The following DIS3L variants were observed in gnomAD, a reference collection of about 807,000 sequenced individuals.
DIS3L encodes DIS3 like exosome 3'-5' exoribonuclease, also known as DIS3-like exonuclease 1.
A neutral mutation model predicts 120.3 loss-of-function variants in DIS3L; 100 were observed. The observed-to-expected ratio is 0.83, with a 90% CI of 0.71 to 0.98. The LOEUF is 0.98. DIS3L is among the 50% of genes least tolerant of loss of function. DIS3L has a pLI of 0.00. For synonymous variants in DIS3L, 426 were observed against 470.6 expected (o/e 0.91, Z 1.23); for missense variants, 1,196 against 1,314.2 (o/e 0.91, Z 1.39).
At chr15:66,310,605 G>A (rs1482185372) in intron 4 of DIS3L, among the ~76,000 whole-genome samples, 6 of 152,184 alleles carry the variant, frequency 3.9e-5, no homozygotes, top group Non-Finnish European at 5.9e-5. Flanking sequence ...TAATGACAAA[G>A]TGTAGTGTTG....
chr15:66,315,190 G>A lies in DIS3L; in HGVS notation c.969G>A (p.Glu323=). 1 of 1,613,254 alleles carries A rather than the reference G, an allele frequency of 6.2e-7. No homozygotes were observed. The highest frequency in any genetic ancestry group is 8.5e-7 in the Non-Finnish European group (1 of 1,179,470). Residue 323 remains glutamate, a synonymous_variant, in exon 7 of 17, where the codon GAG becomes GAA. Transcript: ENST00000319212. ...ACTGTGACGACAAGGCTTCGGGCGA[G>A]TCCCCAAGTGAGCCCATGCCTACAG... is the stretch of plus-strand genomic sequence containing the variant. ...ENDCDDKASG[E]SPSEPMPTGR... is the part of the protein sequence containing the mutation.
intron 2 of DIS3L, among the ~76,000 whole-genome samples, chr15:66,304,089 C>CA (rs34711611): frequency 1.7e-3 from 124 of 72,612 alleles, no homozygotes; most frequent in South Asian, 3.7e-3. Flanking sequence ...GACTCTGTTT[C>CA]AAAAAAAAAA....
intron 5 of DIS3L, 152 bp from the exon 6 acceptor site, chr15:66,313,887 G>T (rs112178554): frequency 2.3e-6 from 1 of 429,334 alleles, no homozygotes; most frequent in Non-Finnish European, 4.2e-6. Flanking sequence ...ATATGTGTGT[G>T]TATATATATA....
At position 66,293,846 on chromosome 15, in the gene DIS3L, G is replaced by A. The variant is rs1342439861; in HGVS notation, c.139+111G>A. ...CCAGCGGCGGGGACACGGAGGCGTA[G>A]GCCCCGCGGCCTGCGCCCGCTCGCC... On this transcript the variant is annotated intron_variant, in intron 1 of 16. Transcript: ENST00000319212. 6 of 1,008,308 alleles carry A rather than the reference G, an allele frequency of 6.0e-6. No individual in the cohort carries two copies. In the South Asian group the frequency reaches 1.9e-4, roughly 31 times the overall value. The allele number at this position is 1,008,308 out of a possible 1,614,324, so 62.5% of individuals were successfully genotyped here.
rs576086602 is a variant in DIS3L at position 66,329,225 on chromosome 15, T to G, written c.2361T>G (p.Leu787=). The change falls in exon 14 of 17, where the codon CTT becomes CTG. Residue 787 remains leucine (L), a synonymous_variant. Coordinates refer to ENST00000319212, the MANE Select transcript of DIS3L (RefSeq NM_001143688.3). ...CAEEEFHHYG[L]ALDKYTHFTS... The stretch of plus-strand genomic sequence containing the variant: ...TCTTTTGCTTTCTTTTTGAAGGTCT[T>G]GCATTAGATAAATATACCCACTTTA... 1.9e-6 allele frequency: 3 copies of G among 1,598,316 alleles called. No individual in the cohort carries two copies. Among genetic ancestry groups the G allele is most frequent in the Admixed American group, 1.8e-5 (1 of 56,594 alleles).
intron 5 of DIS3L, 99 bp from the exon 6 acceptor site, chr15:66,313,940 T>G: frequency 1.2e-6 from 1 of 856,074 alleles, no homozygotes; most frequent in Admixed American, 3.0e-5. Context: ...AAGAATATTA[T>G]GGGGATGTTT....
Position 66,311,744 on chromosome 15 carries a change from G to A in DIS3L, c.579G>A (p.Trp193Ter). ...ITFKNYLDNF[W>*]PDLKAAHELC... Reference sequence around the variant, plus strand: ...TACAGAATTACCTGGACAATTTCTGGCCTGATTTAAAAGCTGCCCACGAGC... The same window carrying A: ...TACAGAATTACCTGGACAATTTCTGACCTGATTTAAAAGCTGCCCACGAGC... Residue 193 changes from tryptophan (W) to a stop codon, truncating the protein, a stop_gained, in exon 5 of 17, where the codon TGG becomes TGA. Transcript: ENST00000319212. LOFTEE classifies it high-confidence loss of function. 1 of 1,614,026 alleles carries A rather than the reference G, an allele frequency of 6.2e-7. No homozygotes were observed. Among genetic ancestry groups the A allele is most frequent in the Non-Finnish European group, 8.5e-7 (1 of 1,179,988 alleles).
chr15:66,313,415 T>C (rs1312112884), intron 5 of DIS3L, among the ~76,000 whole-genome samples: 1 of 152,142 alleles, frequency 6.6e-6, no homozygotes, highest in African/African-American at 2.4e-5. Context: ...GGTATTTTTC[T>C]CCAAAGAAAA....
chr15:66,328,135 A>T (rs1445220274), intron 12 of DIS3L, among the ~76,000 whole-genome samples: 2 of 152,170 alleles, frequency 1.3e-5, no homozygotes, highest in Admixed American at 6.6e-5. Flanking sequence ...CATCATTCAT[A>T]TTTACAGATA....
In DIS3L at chr15:66,328,959, T is replaced by C. The variant is rs1422779201; in HGVS notation, c.2202-11T>C. The C allele has an allele frequency of 6.2e-7, 1 of 1,608,930 alleles. No homozygotes were observed. The highest frequency in any genetic ancestry group is 8.5e-7 in the Non-Finnish European group (1 of 1,178,604). On this transcript the variant is annotated splice_polypyrimidine_tract_variant and intron_variant, in intron 12 of 16. Coordinates refer to ENST00000319212, the MANE Select transcript of DIS3L (RefSeq NM_001143688.3). ...CTGGGACTAGCTAACGGTTTTTCTG[T>C]TCTTTGTCAGGTCCAATAAAACACT... is the stretch of plus-strand genomic sequence containing the variant.
intron 9 of DIS3L, among the ~76,000 whole-genome samples, chr15:66,321,835 TC>T (rs1278152930): frequency 6.6e-6 from 1 of 152,112 alleles, no homozygotes; most frequent in Admixed American, 6.6e-5. Flanking sequence ...TTGATCATTC[TC>T]TTGGAATGTA....
intron 8 of DIS3L, among the ~76,000 whole-genome samples, chr15:66,319,840 C>T (rs538351510): frequency 4.3e-4 from 65 of 151,770 alleles, no homozygotes; most frequent in Middle Eastern, 3.4e-3. Context: ...AGAGACCAGG[C>T]GCAGTGGCTC....
chr15:66,298,537 G>C (rs1177277659), intron 2 of DIS3L, among the ~76,000 whole-genome samples: 3 of 152,190 alleles, frequency 2.0e-5, no homozygotes, highest in Admixed American at 2.0e-4. Flanking sequence ...ACCAGAGTTA[G>C]GTTTAACAAT....
chr15:66,302,272 G>A (rs2092656281), intron 2 of DIS3L, among the ~76,000 whole-genome samples: 1 of 152,178 alleles, frequency 6.6e-6, no homozygotes, highest in Non-Finnish European at 1.5e-5. Context: ...TGAGGCTGAG[G>A]TGGGAGACCA....
At chr15:66,332,043 G>C in intron 15 of DIS3L, 23 bp downstream of exon 15, 5 of 1,583,866 alleles carry the variant, frequency 3.2e-6, no homozygotes, top group Non-Finnish European at 4.3e-6. Context: ...TAATGCAATG[G>C]TGCATAAGAA....
At chr15:66,332,514 G>GTGTGTGTGTA (rs1436427790) in intron 15 of DIS3L, among the ~76,000 whole-genome samples, 17 of 74,758 alleles carry the variant, frequency 2.3e-4, no homozygotes, top group African/African-American at 5.6e-4. Context: ...GTGTGTGTGT[G>GTGTGTGTGTA]TATATATATA....
At position 66,308,762 on chromosome 15, in the gene DIS3L, C is replaced by T. The variant is rs764798110; in HGVS notation, c.476C>T (p.Pro159Leu). ...TATCATCACTGCCAGGACAGGATGC[C>T]AATTGTTATGGTGACAGAAGATGAA... ...WYYHHCQDRM[P>L]IVMVTEDEEA... is the part of the protein sequence containing the mutation. The change falls in exon 4 of 17, where the codon CCA becomes CTA. Residue 159 changes from proline (P) to leucine (L), a missense_variant. By Grantham distance (98) the Pro-to-Leu change is moderately conservative (BLOSUM62 -3). Transcript: ENST00000319212. 3.7e-6 allele frequency: 6 copies of T among 1,613,058 alleles called. No individual in the cohort carries two copies. Among genetic ancestry groups the T allele is most frequent in the Admixed American group, 3.3e-5 (2 of 59,916 alleles).
chr15:66,332,601 A>G, intron 15 of DIS3L, 135 bp from the exon 16 acceptor site: 2 of 858,618 alleles, frequency 2.3e-6, no homozygotes, highest in Non-Finnish European at 3.5e-6. Context: ...AAGGTGAAAT[A>G]AATACGTGGA....
chr15:66,310,009 C>T (rs2092744622), intron 4 of DIS3L, among the ~76,000 whole-genome samples: 1 of 152,140 alleles, frequency 6.6e-6, no homozygotes, highest in Admixed American at 6.6e-5. Context: ...AGTAGGATGA[C>T]TGTTAATCTC....
Sources: allele counts gnomAD v4.1 joint callset (sites outside exome capture counted in the v4.1 genomes callset), GRCh38; gene constraint gnomAD v4.1.1; transcripts MANE v1.5; gene names NCBI Gene and HGNC (gene_info 2026-07-23, HGNC 2026-07-21).